CADM2: variants seen among roughly 807,000 people sequenced by gnomAD.
CADM2 encodes the protein immunoglobulin superfamily member 4D.
In CADM2, 12 loss-of-function variants were observed where a neutral mutation model predicts 49.8. The observed-to-expected ratio is 0.24, with a 90% confidence interval of 0.15 to 0.39. The LOEUF (loss-of-function observed/expected upper bound fraction) is 0.39. Among genes scored for constraint, CADM2 ranks in the 10% least tolerant of loss-of-function variants. The pLI is 1.00. For synonymous variants in CADM2, 214 were observed against 175.4 expected (o/e 1.22, Z -1.74); for missense variants, 378 against 492.3 (o/e 0.77, Z 2.20).
intron 8 of CADM2, among the ~76,000 whole-genome samples, chr3:86,057,695 A>G (rs1262473365): frequency 6.6e-6 from 1 of 152,172 alleles, no homozygotes. Context: ...AAATAATTCA[A>G]GGATAATTGA....
chr3:85,527,145 G>C (rs369294985), intron 1 of CADM2, among the ~76,000 whole-genome samples: 4 of 152,010 alleles, frequency 2.6e-5, no homozygotes, highest in African/African-American at 9.7e-5. Context: ...CAGCACCGTG[G>C]GATGCCAGGA....
At chr3:85,574,984 G>C (rs2062590032) in intron 1 of CADM2, among the ~76,000 whole-genome samples, 1 of 152,072 alleles carries the variant, frequency 6.6e-6, no homozygotes, top group Admixed American at 6.6e-5. Context: ...ATAGACTATA[G>C]GAGAGTGAGT....
intron 1 of CADM2, among the ~76,000 whole-genome samples, chr3:85,617,695 C>A (rs557306865): frequency 1.1e-4 from 17 of 152,218 alleles, no homozygotes; most frequent in Non-Finnish European, 2.4e-4. Context: ...TTTCTCGTGA[C>A]CAGTTCCCAT....
At chr3:85,193,422 C>T (rs772683511) in intron 1 of CADM2, among the ~76,000 whole-genome samples, 23 of 152,144 alleles carry the variant, frequency 1.5e-4, no homozygotes, top group Non-Finnish European at 2.5e-4. Flanking sequence ...ATGGATAACT[C>T]ATAATTTTCA....
At chr3:85,379,541 C>A (rs910814553) in intron 1 of CADM2, among the ~76,000 whole-genome samples, 2 of 151,938 alleles carry the variant, frequency 1.3e-5, no homozygotes, top group Admixed American at 1.3e-4. Flanking sequence ...ACTCTCCAAA[C>A]ATTGCATTTT....
In CADM2 at chr3:85,912,369, T is replaced by C. The variant is rs1279227928; in HGVS notation, c.530-4T>C. 2.5e-6 allele frequency: 4 copies of C among 1,596,150 alleles called. No homozygotes were observed. In the East Asian group the frequency reaches 9.1e-5, roughly 36 times the overall value. ...ACATTTTAAAATTCATATTTTATTT[T>C]CAGATGTAAAATATTTAAAAGAAGA... On this transcript the variant is annotated splice_region_variant and splice_polypyrimidine_tract_variant and intron_variant, in intron 5 of 9. Transcript: ENST00000383699.
intron 1 of CADM2, among the ~76,000 whole-genome samples, chr3:85,509,668 A>G (rs2040521790): frequency 6.6e-6 from 1 of 152,126 alleles, no homozygotes; most frequent in Admixed American, 6.6e-5. Context: ...ATCCTATTTT[A>G]CAGAAAAGCA....
At chr3:85,199,370 T>TGAGAGA (rs59939815) in intron 1 of CADM2, among the ~76,000 whole-genome samples, 41 of 140,166 alleles carry the variant, frequency 2.9e-4, no homozygotes, top group African/African-American at 1.1e-3. Flanking sequence ...TGTGTGTGTA[T>TGAGAGA]GAGAGAGAGA....
In CADM2 at chr3:86,069,511, CA is replaced by C. The variant is rs1739654241; in HGVS notation, c.*2734del. ...AAAAATTATTTAATTTTCAACCAAA[CA>C]AAAAATAAATTGTAAAAATTATGCT... On this transcript the variant is annotated 3_prime_UTR_variant, in exon 10 of 10. Transcript: ENST00000383699. The C allele has an allele frequency of 6.6e-6, 1 of 151,866 alleles. No individual in the cohort carries two copies. Among genetic ancestry groups the C allele is most frequent in the African/African-American group, 2.4e-5 (1 of 41,410 alleles). 9.4% of individuals were successfully genotyped at this position (151,866 alleles called of 1,614,324 possible).
intron 5 of CADM2, among the ~76,000 whole-genome samples, chr3:85,887,838 G>C (rs1311476673): frequency 6.6e-6 from 1 of 152,080 alleles, no homozygotes; most frequent in Non-Finnish European, 1.5e-5. Flanking sequence ...GTTCCATAGT[G>C]CTTCCAGAGT....
At chr3:85,175,718 C>T (rs1201542814) in intron 1 of CADM2, among the ~76,000 whole-genome samples, 1 of 151,902 alleles carries the variant, frequency 6.6e-6, no homozygotes. Context: ...CAGACCTGTG[C>T]ACTTTAAATG....
At chr3:86,061,843 A>G (rs1019509053) in intron 8 of CADM2, among the ~76,000 whole-genome samples, 1 of 152,170 alleles carries the variant, frequency 6.6e-6, no homozygotes, top group African/African-American at 2.4e-5. Flanking sequence ...TTTAGACATT[A>G]TTATGTTAAC....
chr3:85,575,121 G>A (rs1301270001), intron 1 of CADM2, among the ~76,000 whole-genome samples: 7 of 152,142 alleles, frequency 4.6e-5, no homozygotes, highest in Non-Finnish European at 8.8e-5. Flanking sequence ...AGAGAGATGA[G>A]TCTGAATTAG....
In CADM2 at chr3:85,866,042, G is replaced by A. The variant is rs1399649380; in HGVS notation, c.239-17249G>A. On this transcript the variant is annotated intron_variant, in intron 3 of 9. Coordinates refer to ENST00000383699, the MANE Select transcript of CADM2 (RefSeq NM_001167675.2). ...GAGAAACCCCACTTGGGAGGCTGAG[G>A]CAGGAGAAACACTTGAACCCAGGAG... Among the ~76,000 whole-genome samples, 119 of 152,202 alleles carry A rather than the reference G, an allele frequency of 7.8e-4. 1 individual carries two copies. Among genetic ancestry groups the A allele is most frequent in the Non-Finnish European group, 5.9e-5 (4 of 68,004 alleles).
chr3:85,730,688 T>C (rs546801590), intron 2 of CADM2, among the ~76,000 whole-genome samples: 67 of 152,312 alleles, frequency 4.4e-4, no homozygotes, highest in African/African-American at 1.6e-3. Flanking sequence ...TAATTTTATT[T>C]CACTCTGTTA....
rs1187024627 is a variant in CADM2 at position 85,071,003 on chromosome 3, TAAATAAATAAATAAATAAAC to T, written c.61+111355_61+111374del. On this transcript the variant is annotated intron_variant, in intron 1 of 9. Coordinates refer to ENST00000383699, the MANE Select transcript of CADM2 (RefSeq NM_001167675.2). The stretch of plus-strand genomic sequence containing the variant: ...AACTCTGTCTCAATAAATAAATAAA[TAAATAAATAAATAAATAAAC>T]AAATAAATAAATAAATAAAATACTT... Among the ~76,000 whole-genome samples the T allele has an allele frequency of 4.0e-5, 6 of 149,624 alleles. No homozygotes were observed. The East Asian group carries it at 1.2e-3, about 29-fold the overall frequency.
chr3:85,910,549 T>G (rs977981253), intron 5 of CADM2, among the ~76,000 whole-genome samples: 15 of 152,254 alleles, frequency 9.9e-5, no homozygotes, highest in African/African-American at 3.6e-4. Context: ...AGTAAATGAC[T>G]TTAGTAAAAA....
chr3:85,979,690 A>G (rs951186224), intron 8 of CADM2, among the ~76,000 whole-genome samples: 1 of 151,632 alleles, frequency 6.6e-6, no homozygotes, highest in African/African-American at 2.4e-5. Flanking sequence ...CTCTGCAACT[A>G]TGTTAAAATA....
chr3:86,039,949 T>C (rs4544608), intron 8 of CADM2, among the ~76,000 whole-genome samples: 152,218 of 152,264 alleles, frequency 1, 76,086 homozygotes, highest in East Asian at 1. Context: ...CTGCAGCCTC[T>C]GCTGCTGATA....
Sources: gnomAD v4.1 joint callset for allele counts (sites outside exome capture counted in the v4.1 genomes callset) on GRCh38, gnomAD v4.1.1 for gene constraint, MANE v1.5 for transcripts, NCBI Gene and HGNC (gene_info 2026-07-23, HGNC 2026-07-21) for gene names.